Variants in ATP6V1H observed in about 807,000 individuals in gnomAD.
ATP6V1H encodes the protein V-type proton ATPase subunit H.
Under a neutral mutation model 71.7 loss-of-function variants are expected in ATP6V1H, and 39 were observed. That is an observed-to-expected ratio of 0.54 (90% CI 0.42 to 0.71). The LOEUF (loss-of-function observed/expected upper bound fraction) is 0.71, where lower values mean the gene tolerates loss of function less well. ATP6V1H is among the 30% of genes least tolerant of loss of function. The pLI, the probability that ATP6V1H is intolerant of heterozygous loss-of-function variation, is 0.00. For synonymous variants in ATP6V1H, 192 were observed against 199.3 expected (o/e 0.96, Z 0.31); for missense variants, 509 against 594.9 (o/e 0.86, Z 1.50).
At chr8:53,721,993 A>G (rs1806636554) in intron 13 of ATP6V1H, among the ~76,000 whole-genome samples, 1 of 152,266 alleles carries the variant, frequency 6.6e-6, no homozygotes, top group Non-Finnish European at 1.5e-5. Context: ...AAAAATGTAC[A>G]TTTTAAAAGA....
At chr8:53,792,694 G>A (rs1014318479) in intron 9 of ATP6V1H, among the ~76,000 whole-genome samples, 2 of 152,130 alleles carry the variant, frequency 1.3e-5, no homozygotes, top group African/African-American at 4.8e-5. Context: ...TCACTTACTG[G>A]GGAATTATCT....
chr8:53,777,464 G>A (rs1461554667), intron 9 of ATP6V1H, among the ~76,000 whole-genome samples: 1 of 151,066 alleles, frequency 6.6e-6, no homozygotes, highest in Non-Finnish European at 1.5e-5. Flanking sequence ...GAAGTGGAAC[G>A]ATATCTTGAA....
chr8:53,768,148 T>C (rs747152811), intron 11 of ATP6V1H, among the ~76,000 whole-genome samples: 13 of 152,074 alleles, frequency 8.5e-5, no homozygotes, highest in Non-Finnish European at 1.9e-4. Context: ...TTCTCCAAAG[T>C]AGATATACAA....
At chr8:53,754,385 T>C (rs1807916832) in intron 12 of ATP6V1H, among the ~76,000 whole-genome samples, 2 of 152,174 alleles carry the variant, frequency 1.3e-5, no homozygotes, top group African/African-American at 4.8e-5. Context: ...GTCCACTTAA[T>C]TAGTTTTATA....
chr8:53,741,633 C>A (rs899481057), intron 13 of ATP6V1H, among the ~76,000 whole-genome samples: 12 of 152,104 alleles, frequency 7.9e-5, no homozygotes, highest in Admixed American at 2.0e-4. Flanking sequence ...GTTGAAAAAT[C>A]TGGCTTGGGG....
chr8:53,738,060 T>C (rs1445093337), intron 13 of ATP6V1H, among the ~76,000 whole-genome samples: 1 of 151,110 alleles, frequency 6.6e-6, no homozygotes, highest in East Asian at 1.9e-4. Flanking sequence ...TGCTTTATCT[T>C]AATTAAATTT....
At chr8:53,821,977 T>A (rs142368936) in intron 4 of ATP6V1H, among the ~76,000 whole-genome samples, 2 of 152,224 alleles carry the variant, frequency 1.3e-5, no homozygotes, top group Admixed American at 1.3e-4. Context: ...CTGAGAAATC[T>A]GCCCCTAATA....
intron 13 of ATP6V1H, among the ~76,000 whole-genome samples, chr8:53,719,723 T>C (rs1018943835): frequency 6.6e-6 from 1 of 152,188 alleles, no homozygotes; most frequent in African/African-American, 2.4e-5. Context: ...CTGGGTATTA[T>C]TAATATCTTC....
In ATP6V1H at chr8:53,795,788, C is replaced by T; in HGVS notation, c.729G>A (p.Met243Ile). Residue 243 changes from methionine (M) to isoleucine (I), a missense_variant, in exon 9 of 14, where the codon ATG becomes ATA. Transcript: ENST00000359530. ...ATGCCAGGAGCCATATTGAAAAAAT[C>T]ATTTGATACTGGAGCTGAAAGCCAC... ...NKCGFQLQYQ[M>I]IFSIWLLAFS... 1 of 1,613,908 alleles carries T rather than the reference C, an allele frequency of 6.2e-7. No individual in the cohort carries two copies. Among genetic ancestry groups the T allele is most frequent in the Non-Finnish European group, 8.5e-7 (1 of 1,179,954 alleles).
At chr8:53,777,514 A>G (rs1386806838) in intron 9 of ATP6V1H, among the ~76,000 whole-genome samples, 2 of 152,192 alleles carry the variant, frequency 1.3e-5, no homozygotes, top group Admixed American at 1.3e-4. Context: ...TATCCAGCAA[A>G]AATATCCTTC....
intron 2 of ATP6V1H, among the ~76,000 whole-genome samples, chr8:53,834,819 G>A (rs1811109267): frequency 6.6e-6 from 1 of 151,490 alleles, no homozygotes; most frequent in African/African-American, 2.4e-5. Flanking sequence ...CCCACTCAGA[G>A]AAACACTGAA....
intron 11 of ATP6V1H, among the ~76,000 whole-genome samples, chr8:53,765,399 CA>C (rs36191418): frequency 0.014 from 573 of 39,734 alleles, no homozygotes; most frequent in African/African-American, 0.029. Context: ...GACTCTGTCT[CA>C]AAAAAAAAAA....
chr8:53,745,346 T>TA (rs1409796268), intron 12 of ATP6V1H, among the ~76,000 whole-genome samples: 1 of 152,048 alleles, frequency 6.6e-6, no homozygotes, highest in Non-Finnish European at 1.5e-5. Flanking sequence ...TACAGTGAGC[T>TA]ATGATTGCAC....
intron 9 of ATP6V1H, among the ~76,000 whole-genome samples, chr8:53,790,494 AT>A (rs1809532746): frequency 6.6e-6 from 1 of 152,154 alleles, no homozygotes; most frequent in Admixed American, 6.5e-5. Context: ...TTTAGCACAT[AT>A]TTTTCGAAGG....
chr8:53,837,460 C>T (rs1460428490), intron 2 of ATP6V1H, among the ~76,000 whole-genome samples: 1 of 150,518 alleles, frequency 6.6e-6, no homozygotes, highest in Non-Finnish European at 1.5e-5. Flanking sequence ...AAAACACACA[C>T]ACATGTTATA....
chr8:53,815,564 T>C (rs1389713544), intron 5 of ATP6V1H, among the ~76,000 whole-genome samples: 4 of 152,234 alleles, frequency 2.6e-5, no homozygotes, highest in Admixed American at 2.6e-4. Flanking sequence ...AAGGTCAGAA[T>C]GTCAGACACT....
At chr8:53,807,983 T>G (rs1448890706) in intron 7 of ATP6V1H, among the ~76,000 whole-genome samples, 1 of 152,178 alleles carries the variant, frequency 6.6e-6, no homozygotes, top group Non-Finnish European at 1.5e-5. Flanking sequence ...GGACATGGAT[T>G]GCTCCACTAA....
At chr8:53,780,273 C>A (rs1236871907) in intron 9 of ATP6V1H, among the ~76,000 whole-genome samples, 2 of 152,104 alleles carry the variant, frequency 1.3e-5, no homozygotes, top group East Asian at 3.9e-4. Flanking sequence ...CAACTTCCCT[C>A]TAAATTGTCC....
At chr8:53,754,310 T>C (rs917710789) in intron 12 of ATP6V1H, among the ~76,000 whole-genome samples, 9 of 152,166 alleles carry the variant, frequency 5.9e-5, no homozygotes, top group Non-Finnish European at 1.0e-4. Flanking sequence ...TTCCAAAAAA[T>C]GTATCTATAA....
Sources: gnomAD v4.1 joint callset for allele counts (sites outside exome capture counted in the v4.1 genomes callset) on GRCh38, gnomAD v4.1.1 for gene constraint, MANE v1.5 for transcripts, NCBI Gene and HGNC (gene_info 2026-07-23, HGNC 2026-07-21) for gene names.